CACNA2D1: variants seen among roughly 807,000 people sequenced by gnomAD.
The protein encoded by CACNA2D1 is voltage-dependent calcium channel subunit alpha-2/delta-1.
In CACNA2D1, 53 loss-of-function variants were observed where a neutral mutation model predicts 171.5. The ratio of observed to expected loss-of-function variants is 0.31; its 90% CI spans 0.25 to 0.39. The LOEUF is 0.39. Among genes scored for constraint, CACNA2D1 ranks in the 10% least tolerant of loss-of-function variants. The pLI is 1.00. For missense variants in CACNA2D1, 903 were observed against 1,299.8 expected (o/e 0.69, Z 4.69); for synonymous variants, 442 against 443.1 (o/e 1.00, Z 0.03).
At chr7:82,095,527 A>C (rs1189342078) in intron 6 of CACNA2D1, among the ~76,000 whole-genome samples, 2 of 152,186 alleles carry the variant, frequency 1.3e-5, no homozygotes, top group Non-Finnish European at 2.9e-5. Context: ...ACAGACTTCT[A>C]GTTTTCAGGA....
intron 7 of CACNA2D1, among the ~76,000 whole-genome samples, chr7:82,073,694 G>A (rs1041679175): frequency 6.6e-6 from 1 of 152,086 alleles, no homozygotes; most frequent in Non-Finnish European, 1.5e-5. Context: ...TCTGCCTCCT[G>A]GGTTCAAGTG....
chr7:82,128,731 T>C (rs565964966), intron 5 of CACNA2D1, among the ~76,000 whole-genome samples: 2 of 152,298 alleles, frequency 1.3e-5, no homozygotes, highest in South Asian at 4.1e-4. Flanking sequence ...GATGCCAACA[T>C]GTACTAATCT....
chr7:81,966,993 C>G (rs1794765178), intron 31 of CACNA2D1, among the ~76,000 whole-genome samples, 176 bp downstream of exon 31: 1 of 151,442 alleles, frequency 6.6e-6, no homozygotes, highest in African/African-American at 2.4e-5. Context: ...AATTCAAGCA[C>G]TTTACATTCA....
chr7:82,293,286 T>C (rs1477791052), intron 3 of CACNA2D1, among the ~76,000 whole-genome samples: 2 of 152,204 alleles, frequency 1.3e-5, no homozygotes, highest in African/African-American at 4.8e-5. Context: ...TTTTTTGCTT[T>C]TGTCTTTTTT....
chr7:82,190,734 A>G (rs1443063422), intron 3 of CACNA2D1, among the ~76,000 whole-genome samples: 1 of 151,680 alleles, frequency 6.6e-6, no homozygotes, highest in Admixed American at 6.6e-5. Context: ...GGTATTATGA[A>G]AAAAAGAAAT....
At chr7:81,961,282 A>C (rs531264140) in intron 36 of CACNA2D1, among the ~76,000 whole-genome samples, 26 of 151,918 alleles carry the variant, frequency 1.7e-4, no homozygotes, top group Non-Finnish European at 3.2e-4. Flanking sequence ...ATTACAACAA[A>C]ATTAAATTCT....
intron 3 of CACNA2D1, among the ~76,000 whole-genome samples, chr7:82,180,556 G>C (rs186766208): frequency 6.6e-6 from 1 of 152,182 alleles, no homozygotes; most frequent in East Asian, 1.9e-4. Context: ...TGTACTTTTT[G>C]TTGTTACGGT....
chr7:82,155,035 A>C (rs921623786), intron 4 of CACNA2D1, among the ~76,000 whole-genome samples: 2 of 151,900 alleles, frequency 1.3e-5, no homozygotes, highest in Admixed American at 6.6e-5. Context: ...CTGGTTGTGT[A>C]AAGTGTGTGG....
intron 8 of CACNA2D1, 83 bp downstream of exon 8, chr7:82,066,372 T>A (rs1024970637): frequency 6.5e-7 from 1 of 1,537,376 alleles, no homozygotes; most frequent in Admixed American, 1.8e-5. Flanking sequence ...ATACTCATCC[T>A]AATAATAAAA....
At chr7:82,007,904 A>G in intron 15 of CACNA2D1, 148 bp from the exon 16 acceptor site, 1 of 634,504 alleles carries the variant, frequency 1.6e-6, no homozygotes. Context: ...ATATCTATTA[A>G]AATTTATTTT....
At chr7:81,957,237 T>A (rs1482647140) in intron 38 of CACNA2D1, among the ~76,000 whole-genome samples, 1 of 152,120 alleles carries the variant, frequency 6.6e-6, no homozygotes, top group Non-Finnish European at 1.5e-5. Context: ...ACACAAAAAC[T>A]TTATGAAAAA....
At chr7:81,951,971 T>TTTTTTTTTTTTTTTTTG (rs1554321673) in intron 38 of CACNA2D1, among the ~76,000 whole-genome samples, 153 of 130,706 alleles carry the variant, frequency 1.2e-3, no homozygotes, top group Middle Eastern at 4.4e-3. Context: ...TACAAAGTGT[T>TTTTTTTTTTTTTTTTTG]TTTTTTTTTT....
At chr7:82,067,149 AATTGT>A (rs1189502765) in intron 7 of CACNA2D1, among the ~76,000 whole-genome samples, 1 of 152,152 alleles carries the variant, frequency 6.6e-6, no homozygotes, top group Non-Finnish European at 1.5e-5. Context: ...AACTTCATCT[AATTGT>A]ATTGATTTTT....
intron 3 of CACNA2D1, among the ~76,000 whole-genome samples, chr7:82,210,340 T>C (rs534631902): frequency 2.0e-5 from 3 of 152,300 alleles, no homozygotes; most frequent in African/African-American, 7.2e-5. Context: ...AATGTCACTT[T>C]CGAAGGAATA....
intron 4 of CACNA2D1, 127 bp downstream of exon 4, chr7:82,170,423 A>G (rs1795892556): frequency 3.5e-6 from 3 of 861,168 alleles, no homozygotes; most frequent in Admixed American, 3.7e-5. Flanking sequence ...AAAAGCAACA[A>G]GTATGATTAT....
intron 5 of CACNA2D1, among the ~76,000 whole-genome samples, chr7:82,119,567 T>C (rs894642399): frequency 5.9e-5 from 9 of 152,202 alleles, no homozygotes; most frequent in African/African-American, 2.2e-4. Context: ...ATAAAAAGCA[T>C]TGATTTTTAA....
intron 18 of CACNA2D1, among the ~76,000 whole-genome samples, chr7:82,001,378 A>C (rs561763472): frequency 1.3e-5 from 2 of 152,186 alleles, no homozygotes; most frequent in Non-Finnish European, 2.9e-5. Context: ...TTTAATAACA[A>C]ATTTATTTTT....
In CACNA2D1 at chr7:81,947,596, T is replaced by C. The variant is rs1242341519; in HGVS notation, c.*2796A>G. ...ATTGCCAAGCTCACTTGAACTCTGT[T>C]TTAGTGACTAACTACACTAAGCCAC... On this transcript the variant is annotated 3_prime_UTR_variant, in exon 39 of 39. Transcript: ENST00000356860. 1 of 151,988 alleles carries C rather than the reference T, an allele frequency of 6.6e-6. No individual in the cohort carries two copies. The highest frequency in any genetic ancestry group is 2.4e-5 in the African/African-American group (1 of 41,440). The allele number at this position is 151,988 out of a possible 1,614,324, so 9.4% of individuals were successfully genotyped here.
chr7:82,094,326 A>G (rs1811602450), intron 6 of CACNA2D1, among the ~76,000 whole-genome samples: 1 of 152,198 alleles, frequency 6.6e-6, no homozygotes, highest in Non-Finnish European at 1.5e-5. Context: ...GAACTCAAGC[A>G]CTATTTCTAA....
Sources: allele counts gnomAD v4.1 joint callset (sites outside exome capture counted in the v4.1 genomes callset), GRCh38; gene constraint gnomAD v4.1.1; transcripts MANE v1.5; gene names NCBI Gene and HGNC (gene_info 2026-07-23, HGNC 2026-07-21).